KCNIP4: variants seen among roughly 807,000 people sequenced by gnomAD.
The protein encoded by KCNIP4 is Kv channel-interacting protein 4.
KCNIP4 carries 12 observed loss-of-function variants against 34.0 expected under a neutral mutation model. That is an observed-to-expected ratio of 0.35 (90% confidence interval 0.23 to 0.57). The LOEUF (loss-of-function observed/expected upper bound fraction) is 0.57. Ranked by LOEUF, KCNIP4 falls within the 20% of genes least tolerant of loss-of-function variation. KCNIP4 has a pLI of 0.83. For missense variants in KCNIP4, 238 were observed against 311.7 expected (o/e 0.76, Z 1.78); for synonymous variants, 124 against 102.2 (o/e 1.21, Z -1.29).
intron 1 of KCNIP4, among the ~76,000 whole-genome samples, chr4:21,446,272 G>A (rs1362599677): frequency 6.6e-6 from 1 of 152,020 alleles, no homozygotes; most frequent in Non-Finnish European, 1.5e-5. Context: ...TCCCATTACT[G>A]GGTATATACC....
At chr4:21,058,257 G>T (rs962959344) in intron 1 of KCNIP4, among the ~76,000 whole-genome samples, 2 of 151,946 alleles carry the variant, frequency 1.3e-5, no homozygotes, top group African/African-American at 4.8e-5. Context: ...CCAAAGATTG[G>T]TGGCCAAGAA....
At chr4:21,004,402 T>C (rs947397612) in intron 1 of KCNIP4, among the ~76,000 whole-genome samples, 4 of 152,268 alleles carry the variant, frequency 2.6e-5, no homozygotes, top group South Asian at 4.1e-4. Context: ...GAGGAATACA[T>C]TGGGCCAAGT....
chr4:21,454,383 G>T (rs1331489531), intron 1 of KCNIP4, among the ~76,000 whole-genome samples: 1 of 152,026 alleles, frequency 6.6e-6, no homozygotes, highest in African/African-American at 2.4e-5. Flanking sequence ...GAGATTCTAA[G>T]GCATGTAAAA....
At chr4:20,988,096 T>G (rs552877981) in intron 1 of KCNIP4, among the ~76,000 whole-genome samples, 72 of 151,844 alleles carry the variant, frequency 4.7e-4, no homozygotes, top group Non-Finnish European at 9.4e-4. Context: ...AATTCAGGCT[T>G]TCAAAGGTTA....
intron 1 of KCNIP4, among the ~76,000 whole-genome samples, chr4:21,659,912 CCAA>C (rs374116527): frequency 3.9e-5 from 6 of 152,254 alleles, no homozygotes; most frequent in African/African-American, 1.4e-4. Context: ...GCTAAAAGCA[CCAA>C]CAAGAGTTTG....
At chr4:21,648,408 T>C (rs923362769) in intron 1 of KCNIP4, among the ~76,000 whole-genome samples, 4 of 152,194 alleles carry the variant, frequency 2.6e-5, no homozygotes, top group African/African-American at 9.7e-5. Context: ...ATGTTATAGT[T>C]CAGGGAAGAA....
rs112160212 is a variant in KCNIP4, at chr4:21,079,093, G to T, written c.62-196384C>A. Among the ~76,000 whole-genome samples the T allele has an allele frequency of 2.0e-5, 3 of 152,064 alleles. 1 individual carries two copies. Among genetic ancestry groups the T allele is most frequent in the African/African-American group, 7.2e-5 (3 of 41,512 alleles). ...ACGTGCCCCAACTTGGTTATGGCTT[G>T]GTCTCTATCCTTCCTGCTTATTTTT... On this transcript the variant is annotated intron_variant, in intron 1 of 8. Transcript: ENST00000382152.
chr4:21,904,410 G>A (rs1203581806), intron 1 of KCNIP4, among the ~76,000 whole-genome samples: 2 of 152,172 alleles, frequency 1.3e-5, no homozygotes, highest in African/African-American at 4.8e-5. Flanking sequence ...TACAGTGTAT[G>A]TGACAGGATC....
At chr4:21,060,324 T>A (rs1743801480) in intron 1 of KCNIP4, among the ~76,000 whole-genome samples, 1 of 151,526 alleles carries the variant, frequency 6.6e-6, no homozygotes, top group Admixed American at 6.6e-5. Flanking sequence ...GTTGGGAAGG[T>A]TTTTCAGTAG....
chr4:21,603,910 G>T (rs150836554), intron 1 of KCNIP4, among the ~76,000 whole-genome samples: 5 of 152,168 alleles, frequency 3.3e-5, no homozygotes, highest in African/African-American at 9.6e-5. Flanking sequence ...CTAGTAGACT[G>T]ATAGTCTTAT....
intron 1 of KCNIP4, among the ~76,000 whole-genome samples, chr4:20,969,815 A>T (rs1299433898): frequency 3.3e-5 from 5 of 152,108 alleles, no homozygotes; most frequent in Non-Finnish European, 7.4e-5. Flanking sequence ...TCTAATGTAA[A>T]AATACTTGTG....
At chr4:21,609,296 G>A (rs1743970524) in intron 1 of KCNIP4, among the ~76,000 whole-genome samples, 1 of 152,140 alleles carries the variant, frequency 6.6e-6, no homozygotes, top group South Asian at 2.1e-4. Flanking sequence ...AAGGCATACT[G>A]ATATTATGTA....
At chr4:20,846,352 CA>C (rs1457146101) in intron 3 of KCNIP4, among the ~76,000 whole-genome samples, 2 of 152,150 alleles carry the variant, frequency 1.3e-5, no homozygotes, top group African/African-American at 4.8e-5. Context: ...GCATTGGCAT[CA>C]CTATATTAAA....
chr4:21,309,487 TA>T (rs1334303346), intron 1 of KCNIP4, among the ~76,000 whole-genome samples: 1 of 152,128 alleles, frequency 6.6e-6, no homozygotes, highest in Non-Finnish European at 1.5e-5. Context: ...AATTAAAAAT[TA>T]AAAAAATATA....
intron 1 of KCNIP4, among the ~76,000 whole-genome samples, chr4:21,088,303 G>T (rs554110482): frequency 1.9e-4 from 29 of 152,020 alleles, no homozygotes; most frequent in African/African-American, 7.0e-4. Context: ...TAAGTTAGTT[G>T]GTTACCTTCC....
intron 1 of KCNIP4, among the ~76,000 whole-genome samples, chr4:20,974,212 C>A (rs910237713): frequency 1.3e-5 from 2 of 152,244 alleles, no homozygotes; most frequent in East Asian, 1.9e-4. Context: ...TAGCTCTGGA[C>A]ACCGTGAAAA....
At chr4:21,480,704 G>C (rs1021733634) in intron 1 of KCNIP4, among the ~76,000 whole-genome samples, 1 of 151,992 alleles carries the variant, frequency 6.6e-6, no homozygotes, top group African/African-American at 2.4e-5. Context: ...AAAACACATA[G>C]AATATGTCTA....
At chr4:21,647,291 T>G (rs1747094124) in intron 1 of KCNIP4, among the ~76,000 whole-genome samples, 1 of 152,136 alleles carries the variant, frequency 6.6e-6, no homozygotes, top group African/African-American at 2.4e-5. Context: ...TTGCCAGAAT[T>G]CTACAGGGAA....
intron 1 of KCNIP4, among the ~76,000 whole-genome samples, chr4:21,671,601 C>T (rs144654456): frequency 2.6e-5 from 4 of 152,224 alleles, no homozygotes; most frequent in African/African-American, 7.2e-5. Flanking sequence ...TTTCTCTTGG[C>T]TATATACTTC....
Sources: allele counts gnomAD v4.1 joint callset (sites outside exome capture counted in the v4.1 genomes callset), GRCh38; gene constraint gnomAD v4.1.1; transcripts MANE v1.5; gene names NCBI Gene and HGNC (gene_info 2026-07-23, HGNC 2026-07-21).